The following ALDH1L2 variants were observed in gnomAD, a reference collection of about 807,000 sequenced individuals.
The protein encoded by ALDH1L2 is mitochondrial 10-formyltetrahydrofolate dehydrogenase.
ALDH1L2 carries 91 observed loss-of-function variants against 111.0 expected under a neutral mutation model. That is an observed-to-expected ratio of 0.82 (90% confidence interval 0.69 to 0.98). The LOEUF is 0.98. Among genes scored for constraint, ALDH1L2 ranks in the 50% least tolerant of loss-of-function variants. The pLI is 0.00. For synonymous variants in ALDH1L2, 374 were observed against 392.6 expected, an observed-to-expected ratio of 0.95 and a Z score of 0.56; for missense variants, 995 against 1,126.8, an observed-to-expected ratio of 0.88 and a Z score of 1.67.
chr12:105,054,011 A>G (rs11112349), intron 10 of ALDH1L2, among the ~76,000 whole-genome samples: 58,596 of 151,878 alleles, frequency 0.39, 12,525 homozygotes, highest in Middle Eastern at 0.61. Context: ...CACCACAGAG[A>G]GTTGTTAGGA....
In ALDH1L2 at chr12:105,021,666, G is replaced by A. The variant is rs958346191; in HGVS notation, c.*2758C>T. The A allele has an allele frequency of 3.9e-5, 6 of 151,964 alleles. No individual in the cohort carries two copies. The highest frequency in any genetic ancestry group is 1.5e-4 in the African/African-American group (6 of 41,378). The allele number at this position is 151,964 out of a possible 1,614,324, so 9.4% of individuals were successfully genotyped here. On this transcript the variant is annotated 3_prime_UTR_variant, in exon 23 of 23. Coordinates refer to ENST00000258494, the MANE Select transcript of ALDH1L2 (RefSeq NM_001034173.4). ...GATTTCTTCATTTTTTTCAGAGATT[G>A]TGAAGATTAAATAACATTTAAAACA... is the stretch of plus-strand genomic sequence containing the variant.
intron 19 of ALDH1L2, 37 bp downstream of exon 19, chr12:105,034,263 C>T (rs751314235): frequency 1.3e-6 from 2 of 1,598,072 alleles, no homozygotes; most frequent in East Asian, 2.2e-5. Flanking sequence ...AAAGCAAAAT[C>T]TCTAAACAAC....
chr12:105,046,906 GCT>G lies in ALDH1L2; in HGVS notation c.1748_1749del (p.Glu583AlafsTer77), dbSNP rs1565957712. The G allele has an allele frequency of 6.2e-7, 1 of 1,613,976 alleles. No homozygotes were observed. The highest frequency in any genetic ancestry group is 1.1e-5 in the South Asian group (1 of 91,076). On this transcript the variant is annotated frameshift_variant, in exon 14 of 23. Coordinates refer to ENST00000258494, the MANE Select transcript of ALDH1L2 (RefSeq NM_001034173.4). LOFTEE classifies it high-confidence loss of function. ...GCACTCTCCTTATCTTACCCGAGTG[GCT>G]CTTTCTTGGTGAAGGTCAGATTGCG... ...PNRNLTFTKK[E>X]PLGVCAIIIP... is the part of the protein sequence containing the mutation.
At chr12:105,043,016 A>G (rs1875632976) in intron 15 of ALDH1L2, among the ~76,000 whole-genome samples, 1 of 152,232 alleles carries the variant, frequency 6.6e-6, no homozygotes. Context: ...TTTTATTTAT[A>G]TATTTTAGCT....
At chr12:105,053,570 T>C (rs1876428067) in intron 10 of ALDH1L2, among the ~76,000 whole-genome samples, 1 of 152,222 alleles carries the variant, frequency 6.6e-6, no homozygotes, top group Non-Finnish European at 1.5e-5. Context: ...AATGTAATTA[T>C]TTAAAAAATT....
chr12:105,075,686 G>A (rs1314708520), intron 1 of ALDH1L2, among the ~76,000 whole-genome samples: 19 of 152,164 alleles, frequency 1.2e-4, no homozygotes, highest in Admixed American at 1.2e-3. Context: ...AAGCTATAAA[G>A]GTGAGTTTCT....
At chr12:105,083,458 G>A (rs1428264175) in intron 1 of ALDH1L2, among the ~76,000 whole-genome samples, 1 of 152,016 alleles carries the variant, frequency 6.6e-6, no homozygotes, top group Non-Finnish European at 1.5e-5. Context: ...TGCAAGTTTG[G>A]GCCAGTTTTT....
rs1874095850 is a variant in ALDH1L2, at chr12:105,020,214, G to A, written c.*4210C>T. The A allele has an allele frequency of 2.6e-5, 4 of 152,102 alleles. 1 individual carries two copies. The South Asian group carries it at 8.3e-4, about 32-fold the overall frequency. The allele number at this position is 152,102 out of a possible 1,614,324, so 9.4% of individuals were successfully genotyped here. ...TTTATTTTCTTGGAGGGCAGGTATG[G>A]GGAACCAAATTTGTTTCCTTACCCT... is the stretch of plus-strand genomic sequence containing the variant. On this transcript the variant is annotated 3_prime_UTR_variant, in exon 23 of 23. Transcript: ENST00000258494.
chr12:105,068,406 TA>T (rs1428206050), intron 4 of ALDH1L2, among the ~76,000 whole-genome samples: 22 of 152,166 alleles, frequency 1.4e-4, no homozygotes, highest in African/African-American at 5.3e-4. Context: ...AGATTCAATC[TA>T]CTTCTTTACA....
At position 105,074,457 on chromosome 12, in the gene ALDH1L2, C is replaced by CAAAAAAAAAAAAAAAAAA. The variant is rs1565974203; in HGVS notation, c.49-453_49-452insTTTTTTTTTTTTTTTTTT. On this transcript the variant is annotated intron_variant, in intron 1 of 22. Transcript: ENST00000258494. ...TGAGTGACAGAGCAAGACTCTGTCTCCAAAAAAAAAAAAAAAAAAAAAAAA... is the reference window on the plus strand; with the variant it reads ...TGAGTGACAGAGCAAGACTCTGTCTCAAAAAAAAAAAAAAAAAACAAAAAAAAAAAAAAAAAAAAAAAA... Among the ~76,000 whole-genome samples, 11 of 93,666 alleles carry CAAAAAAAAAAAAAAAAAA rather than the reference C, an allele frequency of 1.2e-4. 1 individual carries two copies. Among genetic ancestry groups the CAAAAAAAAAAAAAAAAAA allele is most frequent in the African/African-American group, 4.0e-4 (6 of 14,942 alleles). The allele number at this position is 93,666 out of a possible 152,430, so 61.4% of individuals were successfully genotyped here.
chr12:105,053,057 C>G (rs1876395972), intron 10 of ALDH1L2, 126 bp from the exon 11 acceptor site: 1 of 1,129,200 alleles, frequency 8.9e-7, no homozygotes, highest in Non-Finnish European at 1.3e-6. Flanking sequence ...TCCGACTGTA[C>G]AGAAGACATG....
intron 18 of ALDH1L2, among the ~76,000 whole-genome samples, chr12:105,036,808 A>G (rs1276676736): frequency 6.6e-6 from 1 of 151,972 alleles, no homozygotes; most frequent in African/African-American, 2.4e-5. Context: ...TTAAATGGTT[A>G]AAACAGACTC....
At chr12:105,035,267 G>T (rs535343127) in intron 18 of ALDH1L2, among the ~76,000 whole-genome samples, 1 of 152,038 alleles carries the variant, frequency 6.6e-6, no homozygotes, top group African/African-American at 2.4e-5. Context: ...ACCAAGTTTT[G>T]CTTTTAAAAA....
chr12:105,067,793 G>A (rs1877459932), intron 4 of ALDH1L2, among the ~76,000 whole-genome samples: 3 of 152,148 alleles, frequency 2.0e-5, no homozygotes, highest in Admixed American at 2.0e-4. Context: ...GCTATAACTA[G>A]GTCTAGAATC....
chr12:105,034,222 G>C, intron 19 of ALDH1L2, 78 bp downstream of exon 19: 1 of 1,388,752 alleles, frequency 7.2e-7, no homozygotes, highest in Admixed American at 2.1e-5. Context: ...GAAAATTCAT[G>C]AACAATCCTA....
chr12:105,055,938 T>G (rs1001034397), intron 10 of ALDH1L2, among the ~76,000 whole-genome samples: 1 of 151,714 alleles, frequency 6.6e-6, no homozygotes, highest in Admixed American at 6.6e-5. Flanking sequence ...AACATATGCA[T>G]AAAAGGAATC....
chr12:105,067,385 C>T (rs1028539199), intron 4 of ALDH1L2, among the ~76,000 whole-genome samples: 4 of 151,972 alleles, frequency 2.6e-5, no homozygotes, highest in African/African-American at 9.7e-5. Flanking sequence ...CAAACTGCCA[C>T]CTCCCTTAGT....
intron 17 of ALDH1L2, 76 bp from the exon 18 acceptor site, chr12:105,038,278 AAACACACACACAC>A (rs1875297448): frequency 2.8e-5 from 7 of 253,856 alleles, no homozygotes; most frequent in African/African-American, 1.6e-4. Context: ...ACACACACAC[AAACACACACACAC>A]ACACACACAC....
In ALDH1L2 at chr12:105,070,681, G is replaced by T; in HGVS notation, c.317C>A (p.Pro106His). Residue 106 changes from proline to histidine, a missense_variant, in exon 3 of 23, where the codon CCT becomes CAT. Pro to His is a moderately conservative substitution (Grantham distance 77). Transcript: ENST00000258494. ...RSVGAELNVL[P>H]FCTQFIPMDI... ...CATGGGAATGAACTGAGTGCAGAAAGGGAGCACATTTAGCTCTGCACCCAC... is the reference window on the plus strand; with the variant it reads ...CATGGGAATGAACTGAGTGCAGAAATGGAGCACATTTAGCTCTGCACCCAC... The T allele has an allele frequency of 6.2e-7, 1 of 1,614,180 alleles. No homozygotes were observed. The highest frequency in any genetic ancestry group is 1.3e-5 in the African/African-American group (1 of 75,056).
Sources: gnomAD v4.1 joint callset for allele counts (sites outside exome capture counted in the v4.1 genomes callset) on GRCh38, gnomAD v4.1.1 for gene constraint, MANE v1.5 for transcripts, NCBI Gene and HGNC (gene_info 2026-07-23, HGNC 2026-07-21) for gene names.